Variants in DNAL4 observed in about 807,000 individuals in gnomAD.
DNAL4 encodes dynein light chain, outer arm 4.
Under a neutral mutation model 12.6 loss-of-function variants are expected in DNAL4, and 10 were observed. That is an observed-to-expected ratio of 0.79 (90% confidence interval 0.49 to 1.34). The LOEUF (loss-of-function observed/expected upper bound fraction) is 1.34, where lower values mean the gene tolerates loss of function less well. DNAL4 is among the 40% of genes most tolerant of loss of function. The pLI, the probability that DNAL4 is intolerant of heterozygous loss-of-function variation, is 0.00. For missense variants in DNAL4, 128 were observed against 138.1 expected (o/e 0.93, Z 0.37); for synonymous variants, 46 against 53.1 (o/e 0.87, Z 0.58).
chr22:38,780,857 C>T, intron 3 of DNAL4, 69 bp downstream of exon 3: 4 of 1,521,296 alleles, frequency 2.6e-6, no homozygotes, highest in African/African-American at 1.4e-5. Context: ...CTGCAGGGAA[C>T]AGGGGCCACT....
In DNAL4 at chr22:38,782,604, C is replaced by A. The variant is rs1244573648; in HGVS notation, c.69+59G>T. The A allele has an allele frequency of 1.3e-6, 2 of 1,577,614 alleles. No homozygotes were observed. The highest frequency in any genetic ancestry group is 1.7e-6 in the Non-Finnish European group (2 of 1,151,572). ...TCCTGCAAGGGACAAGCTCCACCCA[C>A]CTCTCTCCAGGCTGTGTGGGCCCTG... On this transcript the variant is annotated intron_variant, in intron 2 of 3. Coordinates refer to ENST00000216068, the MANE Select transcript of DNAL4 (RefSeq NM_005740.3). The surrounding 1 kb of genome is among the most constrained non-coding windows in gnomAD (Gnocchi z 5.1).
At chr22:38,780,733 G>A (rs1435457891) in intron 3 of DNAL4, 193 bp downstream of exon 3, 1 of 582,496 alleles carries the variant, frequency 1.7e-6, no homozygotes, top group Non-Finnish European at 3.0e-6. Flanking sequence ...CTAGGGCTGG[G>A]TGTGACCGTC....
intron 1 of DNAL4, chr22:38,785,997 C>T (rs2093041649): frequency 6.6e-6 from 1 of 152,066 alleles, no homozygotes; most frequent in Non-Finnish European, 1.5e-5. Context: ...CTTCTGGGGA[C>T]CTAAAAGAGA....
chr22:38,790,490 G>C (rs977628016), intron 1 of DNAL4, among the ~76,000 whole-genome samples: 6 of 152,192 alleles, frequency 3.9e-5, no homozygotes, highest in Non-Finnish European at 7.3e-5. Context: ...TGGCACAGCT[G>C]GGTAGAGAAG....
chr22:38,786,915 G>C (rs907560719), intron 1 of DNAL4, among the ~76,000 whole-genome samples: 2 of 152,196 alleles, frequency 1.3e-5, no homozygotes, highest in African/African-American at 4.8e-5. Flanking sequence ...TGAAGCGTCT[G>C]GGAAGAATCC....
rs145012422 is a variant in DNAL4, at chr22:38,782,922, A to G, written c.-139-52T>C. 1.8e-4 allele frequency: 93 copies of G among 511,558 alleles called. No homozygotes were observed. In the East Asian group the frequency reaches 3.4e-3, roughly 19 times the overall value. The allele number at this position is 511,558 out of a possible 1,614,324, so 31.7% of individuals were successfully genotyped here. Reference sequence around the variant, plus strand: ...AAAAGAGCTGGCTTCAAAACCATACATCGCAAATTAGAAATGTCTCAGTAA... The same window carrying G: ...AAAAGAGCTGGCTTCAAAACCATACGTCGCAAATTAGAAATGTCTCAGTAA... On this transcript the variant is annotated intron_variant, in intron 1 of 3. Coordinates refer to ENST00000216068, the MANE Select transcript of DNAL4 (RefSeq NM_005740.3). The surrounding 1 kb of genome is among the most constrained non-coding windows in gnomAD (Gnocchi z 5.1).
intron 1 of DNAL4, among the ~76,000 whole-genome samples, chr22:38,787,477 G>C (rs879414126): frequency 5.9e-5 from 9 of 151,918 alleles, no homozygotes; most frequent in Admixed American, 5.9e-4. Context: ...CCTGACCTCA[G>C]GTGATCCACC....
intron 1 of DNAL4, among the ~76,000 whole-genome samples, chr22:38,787,390 C>T (rs7290178): frequency 0.012 from 1,761 of 152,012 alleles, 34 homozygotes; most frequent in African/African-American, 0.038. Context: ...TACAGGTACG[C>T]GCCACCACGC....
chr22:38,780,687 C>G (rs2093032913), intron 3 of DNAL4: 1 of 511,084 alleles, frequency 2.0e-6, no homozygotes, highest in African/African-American at 2.0e-5. Context: ...GGAACATGGG[C>G]AGGGGCGTCA....
chr22:38,785,024 C>T (rs2093040207), intron 1 of DNAL4, among the ~76,000 whole-genome samples: 1 of 148,132 alleles, frequency 6.8e-6, no homozygotes, highest in African/African-American at 2.5e-5. Flanking sequence ...TCCCAGTGGA[C>T]AGATGGCTCC....
At position 38,779,723 on chromosome 22, in the gene DNAL4, C is replaced by T; in HGVS notation, c.154-110G>A. The T allele has an allele frequency of 7.4e-7, 1 of 1,348,332 alleles. No homozygotes were observed. The highest frequency in any genetic ancestry group is 1.0e-6 in the Non-Finnish European group (1 of 1,001,936). The allele number at this position is 1,348,332 out of a possible 1,614,324, so 83.5% of individuals were successfully genotyped here. On this transcript the variant is annotated intron_variant, in intron 3 of 3. Coordinates refer to ENST00000216068, the MANE Select transcript of DNAL4 (RefSeq NM_005740.3). The surrounding 1 kb of genome is among the most constrained non-coding windows in gnomAD (Gnocchi z 4.3). ...CACTGAGGTCTTGGCAAGAGAAAGG[C>T]CTGCTGTCCTATTTCTCTTGTCCTC...
At chr22:38,790,353 G>A (rs55952902) in intron 1 of DNAL4, among the ~76,000 whole-genome samples, 14,498 of 152,186 alleles carry the variant, frequency 0.095, 828 homozygotes, top group East Asian at 0.15. Context: ...GAATGGAGAC[G>A]ATGTGAGCTC....
chr22:38,784,564 G>A (rs560966776), intron 1 of DNAL4, among the ~76,000 whole-genome samples: 1 of 148,516 alleles, frequency 6.7e-6, no homozygotes, highest in South Asian at 2.1e-4. Context: ...AGGCTGGAGT[G>A]CAGTGGCACG....
chr22:38,791,012 AC>A (rs1363715904), intron 1 of DNAL4, among the ~76,000 whole-genome samples: 6 of 152,106 alleles, frequency 3.9e-5, no homozygotes, highest in African/African-American at 1.4e-4. Context: ...TACTAAAAAT[AC>A]AAAAATTAGC....
intron 3 of DNAL4, among the ~76,000 whole-genome samples, chr22:38,780,194 G>A (rs1447779347): frequency 6.6e-6 from 1 of 152,224 alleles, no homozygotes; most frequent in Non-Finnish European, 1.5e-5. Context: ...AGGCGCCTGA[G>A]GTACACCAAC....
chr22:38,781,376 T>C (rs939581923), intron 2 of DNAL4, among the ~76,000 whole-genome samples: 1 of 152,344 alleles, frequency 6.6e-6, no homozygotes, highest in African/African-American at 2.4e-5. Context: ...CTGGGGCCCC[T>C]GGTTTTCCTC....
At chr22:38,785,283 G>A (rs780932043) in intron 1 of DNAL4, 4 of 152,154 alleles carry the variant, frequency 2.6e-5, no homozygotes, top group African/African-American at 4.8e-5. Flanking sequence ...CAGAGGTGGC[G>A]GCTACACTGA....
chr22:38,793,389 C>A (rs1334908082), intron 1 of DNAL4, among the ~76,000 whole-genome samples: 1 of 152,218 alleles, frequency 6.6e-6, no homozygotes, highest in Non-Finnish European at 1.5e-5. Flanking sequence ...AAAGGAGATG[C>A]ACCGACGTAT....
intron 1 of DNAL4, among the ~76,000 whole-genome samples, chr22:38,787,458 T>G (rs1360572462): frequency 6.6e-6 from 1 of 151,960 alleles, no homozygotes; most frequent in Non-Finnish European, 1.5e-5. Context: ...GCCAGGCTGG[T>G]CTCGAACTCC....
Sources: gnomAD v4.1 joint callset for allele counts (sites outside exome capture counted in the v4.1 genomes callset) on GRCh38, gnomAD v4.1.1 for gene constraint, Gnocchi (gnomAD v3.1) non-coding constraint, MANE v1.5 for transcripts, NCBI Gene and HGNC (gene_info 2026-07-23, HGNC 2026-07-21) for gene names.